The following CCDC90B variants were observed in gnomAD, a reference collection of about 807,000 sequenced individuals.
CCDC90B encodes the protein coiled-coil domain containing 90B, also known as coiled-coil domain-containing protein 90B, mitochondrial.
In CCDC90B, 24 loss-of-function variants were observed where a neutral mutation model predicts 37.0. The observed-to-expected ratio is 0.65, with a 90% CI of 0.47 to 0.91. CCDC90B has a LOEUF of 0.91. Among genes scored for constraint, CCDC90B ranks in the 40% least tolerant of loss-of-function variants. CCDC90B has a pLI of 0.00. For missense variants in CCDC90B, 319 were observed against 299.0 expected (o/e 1.07, Z -0.49); for synonymous variants, 113 against 101.1 (o/e 1.12, Z -0.71).
chr11:83,273,722 G>T, intron 6 of CCDC90B, 22 bp from the exon 7 acceptor site: 1 of 1,600,936 alleles, frequency 6.2e-7, no homozygotes, highest in Middle Eastern at 1.7e-4. Flanking sequence ...GAAGCAGCAG[G>T]AAGTTAAAAA....
chr11:83,278,479 A>G (rs779703567), intron 3 of CCDC90B, among the ~76,000 whole-genome samples: 4 of 152,364 alleles, frequency 2.6e-5, no homozygotes, highest in East Asian at 3.9e-4. Context: ...GAATAACACA[A>G]TATAATGATC....
At position 83,261,840 on chromosome 11, in the gene CCDC90B, A is replaced by G; in HGVS notation, c.*71T>C. 9.0e-7 allele frequency: 1 copy of G among 1,108,880 alleles called. No homozygotes were observed. Among genetic ancestry groups the G allele is most frequent in the Non-Finnish European group, 1.3e-6 (1 of 751,150 alleles). 68.7% of individuals were successfully genotyped at this position (1,108,880 alleles called of 1,614,324 possible). A position where few individuals can be genotyped will look rare whatever the true frequency, so the allele number is the denominator to read the frequency against. ...TAGTAAATTTTTGCTGCAACTGACA[A>G]TGTTCAAAGTAAATCTCTCCCGGTT... On this transcript the variant is annotated 3_prime_UTR_variant, in exon 9 of 9. Coordinates refer to ENST00000529689, the MANE Select transcript of CCDC90B (RefSeq NM_021825.5).
chr11:83,271,062 G>C (rs948672048), intron 7 of CCDC90B, among the ~76,000 whole-genome samples: 5 of 152,148 alleles, frequency 3.3e-5, no homozygotes, highest in African/African-American at 1.2e-4. Flanking sequence ...GGGAAAACTG[G>C]CTAGCCATAT....
intron 7 of CCDC90B, among the ~76,000 whole-genome samples, chr11:83,268,273 A>G (rs1270047137): frequency 6.6e-6 from 1 of 152,236 alleles, no homozygotes; most frequent in Non-Finnish European, 1.5e-5. Flanking sequence ...TTAAATATGA[A>G]TGGACTAAAT....
rs1864233160 is a variant in CCDC90B at position 83,265,885 on chromosome 11, T to G, written c.689A>C (p.Glu230Ala). ...LKTLMESNKL[E>A]TIRYLAASVF... ...CTTACCTGCAAGATAACGAATTGTC[T>G]CAAGTTTGTTAGATTCCATCAGTGT... The change falls in exon 8 of 9, where the codon GAG becomes GCG. Residue 230 changes from glutamate (E) to alanine (A), a missense_variant. By Grantham distance (107) the Glu-to-Ala change is moderately radical. Coordinates refer to ENST00000529689, the MANE Select transcript of CCDC90B (RefSeq NM_021825.5). The G allele has an allele frequency of 1.2e-6, 2 of 1,606,576 alleles. No homozygotes were observed. Among genetic ancestry groups the G allele is most frequent in the African/African-American group, 1.3e-5 (1 of 74,834 alleles).
chr11:83,278,165 C>T (rs1044566474), intron 3 of CCDC90B, among the ~76,000 whole-genome samples: 1 of 152,184 alleles, frequency 6.6e-6, no homozygotes, highest in African/African-American at 2.4e-5. Flanking sequence ...ATTCTGCTTA[C>T]TTTTCAAGGT....
chr11:83,276,909 C>G (rs1398753064), intron 3 of CCDC90B, among the ~76,000 whole-genome samples: 1 of 152,010 alleles, frequency 6.6e-6, no homozygotes, highest in Non-Finnish European at 1.5e-5. Flanking sequence ...TCCCCCTCAT[C>G]CTGCTAGCTG....
intron 2 of CCDC90B, 94 bp from the exon 3 acceptor site, chr11:83,278,923 T>A (rs1865210690): frequency 3.0e-6 from 2 of 662,010 alleles, no homozygotes; most frequent in African/African-American, 3.7e-5. Flanking sequence ...TAAATTGTTA[T>A]ACTCTTTTAA....
chr11:83,272,434 A>C (rs1489514711), intron 7 of CCDC90B, among the ~76,000 whole-genome samples: 1 of 152,140 alleles, frequency 6.6e-6, no homozygotes, highest in African/African-American at 2.4e-5. Flanking sequence ...CAGAACTATC[A>C]TTTTATGTGT....
intron 8 of CCDC90B, among the ~76,000 whole-genome samples, chr11:83,263,396 T>A (rs974360765): frequency 6.6e-6 from 1 of 152,214 alleles, no homozygotes; most frequent in Non-Finnish European, 1.5e-5. Context: ...ACAACAACAA[T>A]TGGAGCCATC....
chr11:83,285,282 TCTCTG>T, intron 1 of CCDC90B: 1 of 1,265,588 alleles, frequency 7.9e-7, no homozygotes, highest in Non-Finnish European at 1.0e-6. Context: ...TAGAAACATT[TCTCTG>T]AATAAAGTTA....
At chr11:83,285,213 T>C in intron 1 of CCDC90B, 2 of 1,285,988 alleles carry the variant, frequency 1.6e-6, no homozygotes, top group Non-Finnish European at 2.0e-6. Context: ...GTTTAAAAAC[T>C]GGGAGGGAAG....
chr11:83,276,323 G>A (rs1378829370), intron 3 of CCDC90B, among the ~76,000 whole-genome samples: 1 of 152,132 alleles, frequency 6.6e-6, no homozygotes, highest in South Asian at 2.1e-4. Flanking sequence ...GACTTCTTGT[G>A]GTGTCTGAAC....
chr11:83,260,573 A>T lies in CCDC90B; in HGVS notation c.*1338T>A, dbSNP rs1863883591. On this transcript the variant is annotated 3_prime_UTR_variant, in exon 9 of 9. Transcript: ENST00000529689. ...TCTCACTCACTGGACCATATGGACC[A>T]ATCTCTTGACTGCTCTATACTGCAG... 6.6e-6 allele frequency: 1 copy of T among 152,242 alleles called. No individual in the cohort carries two copies. Among genetic ancestry groups the T allele is most frequent in the African/African-American group, 2.4e-5 (1 of 41,470 alleles). 9.4% of individuals were successfully genotyped at this position (152,242 alleles called of 1,614,324 possible).
intron 7 of CCDC90B, among the ~76,000 whole-genome samples, chr11:83,267,668 C>G (rs888974238): frequency 6.6e-6 from 1 of 152,180 alleles, no homozygotes; most frequent in African/African-American, 2.4e-5. Flanking sequence ...GAGAATGGAA[C>G]CAAGTTGGAA....
Position 83,286,270 on chromosome 11 carries a change from G to A in CCDC90B, c.-298C>T, listed in dbSNP as rs964965832. 14 of 1,371,058 alleles carry A rather than the reference G, an allele frequency of 1.0e-5. No homozygotes were observed. The highest frequency in any genetic ancestry group is 1.1e-5 in the Non-Finnish European group (11 of 1,010,814). The allele number at this position is 1,371,058 out of a possible 1,614,324, so 84.9% of individuals were successfully genotyped here. ...AGATCTTGTCAGAGAACCTTCCGGC[G>A]CCTGTTTCCTGGCAGTGGGGCATAG... On this transcript the variant is annotated 5_prime_UTR_variant, in exon 1 of 9. Transcript: ENST00000529689.
chr11:83,277,655 G>GT (rs544870157), intron 3 of CCDC90B, among the ~76,000 whole-genome samples: 2,502 of 142,228 alleles, frequency 0.018, 32 homozygotes, highest in South Asian at 0.03. Flanking sequence ...GCTAATTTTT[G>GT]TTTTTTTTTT....
intron 8 of CCDC90B, among the ~76,000 whole-genome samples, chr11:83,264,565 T>G (rs1052064428): frequency 6.6e-6 from 1 of 152,218 alleles, no homozygotes; most frequent in African/African-American, 2.4e-5. Flanking sequence ...AGAGATCTGC[T>G]GTTAGTCTGA....
chr11:83,273,599 C>T (rs758806973), intron 7 of CCDC90B, 48 bp downstream of exon 7: 1 of 1,397,992 alleles, frequency 7.2e-7, no homozygotes, highest in South Asian at 1.3e-5. Flanking sequence ...AGCAGTTATA[C>T]AAGGCACAAG....
Sources: gnomAD v4.1 joint callset for allele counts (sites outside exome capture counted in the v4.1 genomes callset) on GRCh38, gnomAD v4.1.1 for gene constraint, MANE v1.5 for transcripts, NCBI Gene and HGNC (gene_info 2026-07-23, HGNC 2026-07-21) for gene names.